Variants in CDH18 observed in about 807,000 individuals in gnomAD.
CDH18 encodes the protein cadherin-18.
Under a neutral mutation model 67.9 loss-of-function variants are expected in CDH18, and 31 were observed. That is an observed-to-expected ratio of 0.46 (90% CI 0.34 to 0.62). The LOEUF (loss-of-function observed/expected upper bound fraction) is 0.62. Among genes scored for constraint, CDH18 ranks in the 20% least tolerant of loss-of-function variants. The probability of loss-of-function intolerance (pLI) is 0.01; values close to 1 mark genes in which losing one functional copy is unlikely to be tolerated. For missense variants in CDH18, 890 were observed against 975.5 expected (o/e 0.91, Z 1.17); for synonymous variants, 362 against 347.2 (o/e 1.04, Z -0.48).
chr5:19,688,025 C>T (rs1428078523), intron 5 of CDH18, among the ~76,000 whole-genome samples: 1 of 152,172 alleles, frequency 6.6e-6, no homozygotes, highest in African/African-American at 2.4e-5. Context: ...GGCACCTGTA[C>T]ACTCTTTCTG....
intron 1 of CDH18, among the ~76,000 whole-genome samples, chr5:20,428,917 T>C (rs534520235): frequency 6.6e-6 from 1 of 152,290 alleles, no homozygotes; most frequent in African/African-American, 2.4e-5. Context: ...ATCATCCAGA[T>C]GGTAACAGGC....
intron 1 of CDH18, among the ~76,000 whole-genome samples, chr5:20,346,381 G>A (rs80295174): frequency 0.023 from 3,478 of 152,244 alleles, 99 homozygotes; most frequent in East Asian, 0.075. Flanking sequence ...AGATTTAATT[G>A]TTGGTGCCTT....
chr5:20,484,167 A>G (rs1753009868), intron 1 of CDH18, among the ~76,000 whole-genome samples: 1 of 152,108 alleles, frequency 6.6e-6, no homozygotes, highest in African/African-American at 2.4e-5. Context: ...TCCAGCAGAT[A>G]TATAAAAAGG....
At chr5:19,972,209 T>A (rs1486178737) in intron 2 of CDH18, among the ~76,000 whole-genome samples, 1 of 152,112 alleles carries the variant, frequency 6.6e-6, no homozygotes, top group Non-Finnish European at 1.5e-5. Flanking sequence ...CATTTATATA[T>A]TATCCTCACA....
intron 1 of CDH18, among the ~76,000 whole-genome samples, chr5:20,410,490 A>G (rs1746674301): frequency 6.6e-6 from 1 of 151,800 alleles, no homozygotes; most frequent in South Asian, 2.1e-4. Flanking sequence ...CCTCAATATA[A>G]TAATGGCCAT....
intron 5 of CDH18, among the ~76,000 whole-genome samples, chr5:19,664,252 A>G (rs115950908): frequency 6.7e-6 from 1 of 148,740 alleles, no homozygotes; most frequent in African/African-American, 2.5e-5. Context: ...CATATCCTTA[A>G]TTAATGCTCC....
At position 19,574,978 on chromosome 5, in the gene CDH18, G is replaced by A. The variant is rs970530931; in HGVS notation, c.1000-3146C>T. Among the ~76,000 whole-genome samples the A allele has an allele frequency of 7.9e-5, 12 of 152,260 alleles. 1 individual carries two copies. In the East Asian group the frequency reaches 1.4e-3, roughly 17 times the overall value. ...CGCTTGAACCCAGGAGGTGGAGGTTGCAGTGAGCCGAGATCATGCCACCGC... is the reference window on the plus strand; with the variant it reads ...CGCTTGAACCCAGGAGGTGGAGGTTACAGTGAGCCGAGATCATGCCACCGC... On this transcript the variant is annotated intron_variant, in intron 7 of 12. Coordinates refer to ENST00000382275, the MANE Select transcript of CDH18 (RefSeq NM_004934.5).
chr5:20,462,819 G>A (rs1480496936), intron 1 of CDH18, among the ~76,000 whole-genome samples: 1 of 152,150 alleles, frequency 6.6e-6, no homozygotes, highest in Non-Finnish European at 1.5e-5. Context: ...AACTAAAAGT[G>A]TGTAGAAAAG....
chr5:20,370,642 G>C (rs182964104), intron 1 of CDH18, among the ~76,000 whole-genome samples: 1 of 152,304 alleles, frequency 6.6e-6, no homozygotes, highest in East Asian at 1.9e-4. Context: ...GACAGATACA[G>C]GAGAGAATGC....
chr5:19,479,879 G>T (rs547276118), intron 12 of CDH18, among the ~76,000 whole-genome samples: 1 of 151,976 alleles, frequency 6.6e-6, no homozygotes, highest in South Asian at 2.1e-4. Context: ...TAGTCTTGAG[G>T]GATATAATAA....
chr5:19,775,544 G>T (rs1355183691), intron 3 of CDH18, among the ~76,000 whole-genome samples: 1 of 151,946 alleles, frequency 6.6e-6, no homozygotes. Flanking sequence ...AAAGACAGTG[G>T]GGGGGAGATG....
chr5:19,473,390 T>A lies in CDH18; in HGVS notation c.2209A>T (p.Thr737Ser). The change falls in exon 13 of 13, where the codon ACT (threonine) becomes TCT (serine). Residue 737 changes from threonine (T) to serine (S), a missense_variant. By Grantham distance (58) the Thr-to-Ser change is moderately conservative. Around this residue, in one of 2 missense-constraint regions of CDH18, gnomAD observed 656 missense variants for 668.1 expected, o/e 0.98. Coordinates refer to ENST00000382275, the MANE Select transcript of CDH18 (RefSeq NM_004934.5). ...GATCTCTGACCCTCATAGGCATAAGTCTGAAGAGAGTCATAAGGGGGAACG... is the reference window on the plus strand; with the variant it reads ...GATCTCTGACCCTCATAGGCATAAGACTGAAGAGAGTCATAAGGGGGAACG... ...PSVPPYDSLQ[T>S]YAYEGQRSEA... 2 of 1,613,874 alleles carry A rather than the reference T, an allele frequency of 1.2e-6. No homozygotes were observed. Among genetic ancestry groups the A allele is most frequent in the Non-Finnish European group, 1.7e-6 (2 of 1,179,882 alleles).
intron 1 of CDH18, among the ~76,000 whole-genome samples, chr5:20,492,877 T>C (rs1466443875): frequency 6.6e-6 from 1 of 152,110 alleles, no homozygotes; most frequent in Non-Finnish European, 1.5e-5. Flanking sequence ...TAGCATAATA[T>C]ATTTATTTAG....
At chr5:19,832,236 T>C (rs1340586157) in intron 3 of CDH18, among the ~76,000 whole-genome samples, 1 of 152,092 alleles carries the variant, frequency 6.6e-6, no homozygotes, top group Non-Finnish European at 1.5e-5. Context: ...AAAATGCACA[T>C]GTGCCCTTTG....
rs995364290 is a variant in CDH18 at position 20,318,198 on chromosome 5, A to T, written c.-579-62693T>A. On this transcript the variant is annotated intron_variant, in intron 1 of 14. Transcript: ENST00000507958. The stretch of plus-strand genomic sequence containing the variant: ...AGTGAGAAATGGAAAATTCAAGGTT[A>T]TAGAAGAGAAATAAGTCACAGGATC... 3.9e-5 allele frequency among the ~76,000 whole-genome samples: 6 copies of T among 152,306 alleles called. No individual in the cohort carries two copies. The East Asian group carries it at 1.2e-3, about 29-fold the overall frequency.
chr5:19,758,205 T>C (rs976617787), intron 3 of CDH18, among the ~76,000 whole-genome samples: 2 of 152,190 alleles, frequency 1.3e-5, no homozygotes, highest in African/African-American at 4.8e-5. Flanking sequence ...ACCCACTTTA[T>C]GGCTAGATGG....
At chr5:19,560,850 C>G (rs1339228905) in intron 8 of CDH18, among the ~76,000 whole-genome samples, 2 of 151,690 alleles carry the variant, frequency 1.3e-5, no homozygotes, top group East Asian at 3.9e-4. Context: ...GGGCTAAGGA[C>G]AGTAATAGAT....
At chr5:19,966,145 G>A (rs1050116504) in intron 2 of CDH18, among the ~76,000 whole-genome samples, 7 of 152,266 alleles carry the variant, frequency 4.6e-5, no homozygotes, top group African/African-American at 1.4e-4. Flanking sequence ...AAAGGCAACA[G>A]AAAGATCATT....
At chr5:20,374,883 G>C (rs1743287334) in intron 1 of CDH18, among the ~76,000 whole-genome samples, 1 of 152,132 alleles carries the variant, frequency 6.6e-6, no homozygotes, top group South Asian at 2.1e-4. Flanking sequence ...CACATTAAAT[G>C]TCAAAATGGA....
Sources: gnomAD v4.1 joint callset for allele counts (sites outside exome capture counted in the v4.1 genomes callset) on GRCh38, gnomAD v4.1.1 for gene constraint, gnomAD v4.1.1 regional missense constraint, MANE v1.5 for transcripts, NCBI Gene and HGNC (gene_info 2026-07-23, HGNC 2026-07-21) for gene names.